ADCY8: variants seen among roughly 807,000 people sequenced by gnomAD.
The protein encoded by ADCY8 is adenylate cyclase 8.
A neutral mutation model predicts 119.7 loss-of-function variants in ADCY8; 51 were observed. That is an observed-to-expected ratio of 0.43 (90% CI 0.34 to 0.54). The LOEUF (loss-of-function observed/expected upper bound fraction) is 0.54, where lower values mean the gene tolerates loss of function less well. Among genes scored for constraint, ADCY8 ranks in the 20% least tolerant of loss-of-function variants. The probability of loss-of-function intolerance (pLI) is 0.03; values close to 1 mark genes in which losing one functional copy is unlikely to be tolerated. For synonymous variants in ADCY8, 665 were observed against 651.0 expected (o/e 1.02, Z -0.33); for missense variants, 1,383 against 1,598.8 (o/e 0.87, Z 2.30).
chr8:130,800,331 C>CA (rs3067432), intron 15 of ADCY8, 95 bp downstream of exon 15: 144,053 of 1,310,678 alleles, frequency 0.11, 1,744 homozygotes, highest in African/African-American at 0.25. Context: ...CCGTTAAGTG[C>CA]AAAAAAAAAA....
At chr8:130,815,040 T>C (rs1447939835) in intron 13 of ADCY8, among the ~76,000 whole-genome samples, 1 of 152,202 alleles carries the variant, frequency 6.6e-6, no homozygotes, top group African/African-American at 2.4e-5. Flanking sequence ...GATGAGGTCA[T>C]GCTGGTGTAT....
chr8:130,800,409 C>T lies in ADCY8; in HGVS notation c.3060+17G>A, dbSNP rs1268407426. 5.0e-6 allele frequency: 8 copies of T among 1,613,894 alleles called. No individual in the cohort carries two copies. Among genetic ancestry groups the T allele is most frequent in the African/African-American group, 1.3e-5 (1 of 75,000 alleles). On this transcript the variant is annotated intron_variant, in intron 15 of 17. Coordinates refer to ENST00000286355, the MANE Select transcript of ADCY8 (RefSeq NM_001115.3). ...GATGCCCATTTGTGATTGTAAATGT[C>T]TCAGGCTTAGATTTACCTCATCGAA...
intron 12 of ADCY8, among the ~76,000 whole-genome samples, chr8:130,822,430 G>A (rs1042868348): frequency 3.3e-5 from 5 of 152,150 alleles, no homozygotes; most frequent in African/African-American, 1.2e-4. Context: ...CACTGTGAGT[G>A]CTAAAGTGAA....
intron 12 of ADCY8, among the ~76,000 whole-genome samples, chr8:130,829,747 AG>A (rs762326507): frequency 3.9e-5 from 6 of 152,232 alleles, no homozygotes; most frequent in Non-Finnish European, 8.8e-5. Flanking sequence ...ATTGCAGGAA[AG>A]ATTTAGCCAA....
chr8:130,851,873 T>C (rs1817540810), intron 9 of ADCY8, among the ~76,000 whole-genome samples: 1 of 152,222 alleles, frequency 6.6e-6, no homozygotes, highest in Non-Finnish European at 1.5e-5. Flanking sequence ...TTGGTACTTG[T>C]AGATCATTCA....
At chr8:130,944,321 T>C (rs572923130) in intron 3 of ADCY8, among the ~76,000 whole-genome samples, 2 of 152,348 alleles carry the variant, frequency 1.3e-5, no homozygotes, top group South Asian at 2.1e-4. Context: ...CAGGGACCTC[T>C]GAAAGGAAAG....
At chr8:130,911,408 A>T (rs983352814) in intron 5 of ADCY8, among the ~76,000 whole-genome samples, 22 of 152,306 alleles carry the variant, frequency 1.4e-4, no homozygotes, top group African/African-American at 4.8e-4. Flanking sequence ...ATTGGAAAAC[A>T]TTTATAAGAT....
chr8:130,786,491 C>G (rs1815252965), intron 15 of ADCY8, among the ~76,000 whole-genome samples: 1 of 152,168 alleles, frequency 6.6e-6, no homozygotes, highest in South Asian at 2.1e-4. Context: ...CTTTGCAGAG[C>G]CTCTGGAAGG....
chr8:130,811,764 T>C (rs922900061), intron 14 of ADCY8, among the ~76,000 whole-genome samples: 9 of 152,164 alleles, frequency 5.9e-5, no homozygotes, highest in African/African-American at 2.2e-4. Flanking sequence ...CTAACTGTGT[T>C]AGGAGGATGA....
chr8:131,039,303 C>G, intron 1 of ADCY8, 71 bp downstream of exon 1: 1 of 1,567,184 alleles, frequency 6.4e-7, no homozygotes, highest in East Asian at 2.2e-5. Flanking sequence ...AACCCTGGCT[C>G]TCTGGAAGCT....
intron 5 of ADCY8, among the ~76,000 whole-genome samples, chr8:130,912,224 A>C (rs1315050292): frequency 6.6e-6 from 1 of 152,148 alleles, no homozygotes; most frequent in African/African-American, 2.4e-5. Context: ...TGTTATAATA[A>C]TCTGTCTCCT....
chr8:130,873,933 G>T (rs1320171152), intron 8 of ADCY8, among the ~76,000 whole-genome samples: 4 of 152,110 alleles, frequency 2.6e-5, no homozygotes, highest in African/African-American at 9.7e-5. Flanking sequence ...TTTTGCATTA[G>T]TGGATGAAGA....
rs891288124 is a variant in ADCY8, at chr8:130,785,268, A to G, written c.3153+115T>C. 4 of 658,256 alleles carry G rather than the reference A, an allele frequency of 6.1e-6. No individual in the cohort carries two copies. The African/African-American group carries it at 7.4e-5, about 12-fold the overall frequency. 40.8% of individuals were successfully genotyped at this position (658,256 alleles called of 1,614,324 possible). A position where few individuals can be genotyped will look rare whatever the true frequency, so the allele number is the denominator to read the frequency against. ...TAACTATTATAATCCAGTCCATTAG[A>G]TTTTCTCCCCATCTTTCCCCAAGGA... On this transcript the variant is annotated intron_variant, in intron 16 of 17. Coordinates refer to ENST00000286355, the MANE Select transcript of ADCY8 (RefSeq NM_001115.3).
Position 131,028,916 on chromosome 8 carries a change from C to G in ADCY8, c.960+10458G>C, listed in dbSNP as rs868407033. Among the ~76,000 whole-genome samples the G allele has an allele frequency of 2.0e-5, 3 of 152,320 alleles. No homozygotes were observed. The South Asian group carries it at 6.2e-4, about 32-fold the overall frequency. Reference sequence around the variant, plus strand: ...TGTATGTACCCAGATGGTGAGCACCCACCAGAAGGGGGCACCACTGAGACG... The same window carrying G: ...TGTATGTACCCAGATGGTGAGCACCGACCAGAAGGGGGCACCACTGAGACG... On this transcript the variant is annotated intron_variant, in intron 1 of 17. Transcript: ENST00000286355.
chr8:130,815,933 G>A (rs1422377552), intron 13 of ADCY8, among the ~76,000 whole-genome samples: 1 of 152,174 alleles, frequency 6.6e-6, no homozygotes, highest in Non-Finnish European at 1.5e-5. Flanking sequence ...CTCATGAGAA[G>A]GTGCACAGTG....
chr8:130,877,182 A>G (rs994243484), intron 8 of ADCY8, among the ~76,000 whole-genome samples: 3 of 152,208 alleles, frequency 2.0e-5, no homozygotes, highest in Non-Finnish European at 4.4e-5. Flanking sequence ...GTTGCAATTC[A>G]TTGCAGCCTC....
intron 7 of ADCY8, among the ~76,000 whole-genome samples, chr8:130,901,835 G>A (rs1025100802): frequency 6.6e-6 from 1 of 151,610 alleles, no homozygotes; most frequent in Non-Finnish European, 1.5e-5. Context: ...GCAAAACTTG[G>A]GCATTAAAAA....
chr8:130,966,428 G>A (rs933671476), intron 2 of ADCY8, among the ~76,000 whole-genome samples: 3 of 152,152 alleles, frequency 2.0e-5, no homozygotes, highest in Admixed American at 2.0e-4. Flanking sequence ...GAGTGGGGTG[G>A]GTTAGGTGCA....
At chr8:131,003,887 G>A in intron 1 of ADCY8, among the ~76,000 whole-genome samples, 1 of 152,070 alleles carries the variant, frequency 6.6e-6, no homozygotes, top group East Asian at 1.9e-4. Flanking sequence ...GGTGGAGGAG[G>A]AGAAGAGGAA....
Sources: allele counts gnomAD v4.1 joint callset (sites outside exome capture counted in the v4.1 genomes callset), GRCh38; gene constraint gnomAD v4.1.1; transcripts MANE v1.5; gene names NCBI Gene and HGNC (gene_info 2026-07-23, HGNC 2026-07-21).